Variants in HAGHL observed in about 807,000 individuals in gnomAD.
HAGHL encodes the protein hydroxyacylglutathione hydrolase like.
In HAGHL, 27 loss-of-function variants were observed where a neutral mutation model predicts 29.2. The observed-to-expected ratio is 0.92, with a 90% CI of 0.68 to 1.27. The LOEUF (loss-of-function observed/expected upper bound fraction) is 1.27, where lower values mean the gene tolerates loss of function less well. Ranked by LOEUF, HAGHL falls within the 50% of genes most tolerant of loss-of-function variation. HAGHL has a pLI of 0.00. For synonymous variants in HAGHL, 223 were observed against 185.7 expected (o/e 1.20, Z -1.63); for missense variants, 529 against 405.5 (o/e 1.30, Z -2.62).
Position 729,344 on chromosome 16 carries a change from C to T in HAGHL, c.737C>T (p.Ala246Val). 1.3e-6 allele frequency: 2 copies of T among 1,534,192 alleles called. No individual in the cohort carries two copies. The highest frequency in any genetic ancestry group is 1.8e-6 in the Non-Finnish European group (2 of 1,141,278). Residue 246 changes from alanine to valine, a missense_variant, in exon 8 of 8, where the codon GCG becomes GTG. By Grantham distance (64) the Ala-to-Val change is moderately conservative. Transcript: ENST00000389703. ...GKAVPADVLE[A>V]LCKERARFEQ... ...GCGGTCCCCGCCGACGTCCTGGAGGCGCTATGCAAGGAGCGGGCGCGCTTC... is the reference window on the plus strand; with the variant it reads ...GCGGTCCCCGCCGACGTCCTGGAGGTGCTATGCAAGGAGCGGGCGCGCTTC...
In HAGHL at chr16:728,809, C is replaced by T. The variant is rs777661176; in HGVS notation, c.514C>T (p.His172Tyr). The T allele has an allele frequency of 1.9e-6, 3 of 1,612,132 alleles. No homozygotes were observed. In the East Asian group the frequency reaches 6.7e-5, roughly 36 times the overall value. ...LPPETKVFCG[H>Y]EHTLSNLEFA... ...CTTCCTCCAGAAGGTGTTCTGCGGCCACGAGCACACGCTTAGCAACCTGGA... is the reference window on the plus strand; with the variant it reads ...CTTCCTCCAGAAGGTGTTCTGCGGCTACGAGCACACGCTTAGCAACCTGGA... Residue 172 changes from histidine to tyrosine, a missense_variant, in exon 6 of 8, where the codon CAC (histidine) becomes TAC (tyrosine). His to Tyr is a moderately conservative substitution (Grantham distance 83). Coordinates refer to ENST00000389703, the MANE Select transcript of HAGHL (RefSeq NM_032304.4).
In HAGHL at chr16:728,213, G is replaced by A. The variant is rs769743258; in HGVS notation, c.268G>A (p.Ala90Thr). The stretch of plus-strand genomic sequence containing the variant: ...CATCTTCTCGCTGACGCGCAGGCTG[G>A]CGCACGGCGAGGAGCTGCGGGTGAG... The part of the protein sequence containing the change: ...ERIFSLTRRL[A>T]HGEELRFGAI... The change falls in exon 3 of 8, where the codon GCG becomes ACG. Residue 90 changes from alanine to threonine, a missense_variant. Coordinates refer to ENST00000389703, the MANE Select transcript of HAGHL (RefSeq NM_032304.4). 1 of 1,456,882 alleles carries A rather than the reference G, an allele frequency of 6.9e-7. No individual in the cohort carries two copies. Among genetic ancestry groups the A allele is most frequent in the Non-Finnish European group, 9.0e-7 (1 of 1,115,272 alleles). The allele number at this position is 1,456,882 out of a possible 1,614,324, so 90.2% of individuals were successfully genotyped here.
Position 727,222 on chromosome 16 carries a change from T to G in HAGHL, c.-288T>G. 3.3e-6 allele frequency: 1 copy of G among 307,458 alleles called. No homozygotes were observed. The highest frequency in any genetic ancestry group is 6.6e-5 in the East Asian group (1 of 15,212). The allele number at this position is 307,458 out of a possible 1,614,324, so 19.0% of individuals were successfully genotyped here. A position where few individuals can be genotyped will look rare whatever the true frequency, so the allele number is the denominator to read the frequency against. On this transcript the variant is annotated 5_prime_UTR_variant, in exon 1 of 8. Transcript: ENST00000389703. The stretch of plus-strand genomic sequence containing the variant: ...GGGCGGGGGGCCGAGGGGCGGGGCC[T>G]GGGAGGAAGGCGTGGCCTTTGGGGA...
Position 729,097 on chromosome 16 carries a change from G to A in HAGHL, c.680+9G>A. 6.2e-7 allele frequency: 1 copy of A among 1,607,546 alleles called. No individual in the cohort carries two copies. Among genetic ancestry groups the A allele is most frequent in the Non-Finnish European group, 8.5e-7 (1 of 1,179,712 alleles). ...CCCTTCCTGCGGGTGGCGTGAGTAT[G>A]GCTGTTGTCCCGGGGCCTCCACCGT... is the stretch of plus-strand genomic sequence containing the variant. On this transcript the variant is annotated intron_variant, in intron 7 of 7. Transcript: ENST00000389703.
chr16:728,325 A>G lies in HAGHL; in HGVS notation c.298A>G (p.Ile100Val), dbSNP rs947423137. The change falls in exon 4 of 8, where the codon ATC becomes GTC. Residue 100 changes from isoleucine (I) to valine (V), a missense_variant. Transcript: ENST00000389703. Reference protein sequence around the residue: ...AHGEELRFGAIHVRCLLTPGH... With the variant: ...AHGEELRFGAVHVRCLLTPGH... ...TGCTCCTCCGCCGCAGTTCGGGGCC[A>G]TCCACGTGCGTTGCCTCCTGACGCC... 1.3e-6 allele frequency: 2 copies of G among 1,557,480 alleles called. No homozygotes were observed. The highest frequency in any genetic ancestry group is 1.4e-5 in the African/African-American group (1 of 73,260).
chr16:728,166 C>T lies in HAGHL; in HGVS notation c.221C>T (p.Ala74Val), dbSNP rs553659664. The change falls in exon 3 of 8, where the codon GCG (alanine) becomes GTG (valine). Residue 74 changes from alanine to valine, a missense_variant. Transcript: ENST00000389703. Reference protein sequence around the residue: ...PELARLRPGLAVLGADERIFS... With the variant: ...PELARLRPGLVVLGADERIFS... ...CTGGCGCGGCTTCGTCCCGGGCTGG[C>T]GGTGCTGGGCGCGGACGAGCGCATC... The T allele has an allele frequency of 6.9e-5, 101 of 1,463,110 alleles. No homozygotes were observed. In the African/African-American group the frequency reaches 1.4e-3, roughly 20 times the overall value. The allele number at this position is 1,463,110 out of a possible 1,614,324, so 90.6% of individuals were successfully genotyped here. A position where few individuals can be genotyped will look rare whatever the true frequency, so the allele number is the denominator to read the frequency against.
rs773681350 is a variant in HAGHL, at chr16:728,834, A to C, written c.539A>C (p.Glu180Ala). 2.4e-5 allele frequency: 39 copies of C among 1,599,912 alleles called. No individual in the cohort carries two copies. The East Asian group carries it at 8.8e-4, about 36-fold the overall frequency. Residue 180 changes from glutamate to alanine, a missense_variant, in exon 6 of 8, where the codon GAG (glutamate) becomes GCG (alanine). By Grantham distance (107) the Glu-to-Ala change is moderately radical. Coordinates refer to ENST00000389703, the MANE Select transcript of HAGHL (RefSeq NM_032304.4). Reference protein sequence around the residue: ...CGHEHTLSNLEFAQKVEPCND... With the variant: ...CGHEHTLSNLAFAQKVEPCND... ...CACGAGCACACGCTTAGCAACCTGG[A>C]GTTTGCCCAGAAAGTGGAGCCCTGC...
intron 5 of HAGHL, 88 bp downstream of exon 5, chr16:728,692 G>T: frequency 7.7e-7 from 1 of 1,306,490 alleles, no homozygotes; most frequent in Non-Finnish European, 1.1e-6. Flanking sequence ...CAGAGTGAAT[G>T]CCCACCTGAG....
chr16:727,784 C>A, intron 1 of HAGHL, 170 bp downstream of exon 1: 1 of 744,610 alleles, frequency 1.3e-6, no homozygotes, highest in South Asian at 1.8e-5. Flanking sequence ...TGGCCTCCGC[C>A]CTTTCGCTGC....
In HAGHL at chr16:728,795, AG is replaced by A. The variant is rs1279478685; in HGVS notation, c.502del (p.Val168CysfsTer25). 1 of 1,611,010 alleles carries A rather than the reference AG, an allele frequency of 6.2e-7. No homozygotes were observed. Among genetic ancestry groups the A allele is most frequent in the Non-Finnish European group, 8.5e-7 (1 of 1,178,870 alleles). ...AELGTLPPETKVFCGHEHTLS... is the reference protein window; with the variant it reads ...AELGTLPPETXVFCGHEHTLS... ...GCTCACCGAGCGCTCTTCCTCCAGA[AG>A]GTGTTCTGCGGCCACGAGCACACGC... On this transcript the variant is annotated frameshift_variant and splice_region_variant, in exon 6 of 8. Coordinates refer to ENST00000389703, the MANE Select transcript of HAGHL (RefSeq NM_032304.4). LOFTEE classifies it high-confidence loss of function.
rs1387123698 is a variant in HAGHL at position 727,251 on chromosome 16, G to A, written c.-259G>A. ...AGGAAGGCGTGGCCTTTGGGGACTGGGGCTCGGACTGGGGGCGGAGCCGGG... is the reference window on the plus strand; with the variant it reads ...AGGAAGGCGTGGCCTTTGGGGACTGAGGCTCGGACTGGGGGCGGAGCCGGG... On this transcript the variant is annotated 5_prime_UTR_variant, in exon 1 of 8. Coordinates refer to ENST00000389703, the MANE Select transcript of HAGHL (RefSeq NM_032304.4). 2.4e-6 allele frequency: 1 copy of A among 408,590 alleles called. No homozygotes were observed. Among genetic ancestry groups the A allele is most frequent in the Non-Finnish European group, 4.4e-6 (1 of 227,304 alleles). 25.3% of individuals were successfully genotyped at this position (408,590 alleles called of 1,614,324 possible).
rs1468674368 is a variant in HAGHL, at chr16:729,236, A to C, written c.681-52A>C. The C allele has an allele frequency of 1.9e-6, 3 of 1,539,186 alleles. No homozygotes were observed. In the East Asian group the frequency reaches 6.8e-5, roughly 35 times the overall value. ...GCCTGCCCGCCCACCCCTCGGCGCC[A>C]TGCTCCCGCGTGGGCAGCGGGCCCT... On this transcript the variant is annotated intron_variant, in intron 7 of 7. Transcript: ENST00000389703.
rs568629635 is a variant in HAGHL, at chr16:728,236, G to A, written c.288+3G>A. Reference sequence around the variant, plus strand: ...TGGCGCACGGCGAGGAGCTGCGGGTGAGCGCGCGCTCCCGGGAGGGGCGGG... The same window carrying A: ...TGGCGCACGGCGAGGAGCTGCGGGTAAGCGCGCGCTCCCGGGAGGGGCGGG... On this transcript the variant is annotated splice_donor_region_variant and intron_variant, in intron 3 of 7. Transcript: ENST00000389703. 4.0e-6 allele frequency: 6 copies of A among 1,482,430 alleles called. No individual in the cohort carries two copies. The African/African-American group carries it at 4.4e-5, about 11-fold the overall frequency. The allele number at this position is 1,482,430 out of a possible 1,614,324, so 91.8% of individuals were successfully genotyped here. A position where few individuals can be genotyped will look rare whatever the true frequency, so the allele number is the denominator to read the frequency against.
In HAGHL at chr16:727,985, G is replaced by T. The variant is rs1410163393; in HGVS notation, c.126G>T (p.Arg42=). 1 of 1,607,768 alleles carries T rather than the reference G, an allele frequency of 6.2e-7. No individual in the cohort carries two copies. Among genetic ancestry groups the T allele is most frequent in the Non-Finnish European group, 8.5e-7 (1 of 1,178,240 alleles). ...TTCAGCTGCTGGAGATCGTGGGCCGGGAGGGGGTGTCTCTGACCGCTGTGC... is the reference window on the plus strand; with the variant it reads ...TTCAGCTGCTGGAGATCGTGGGCCGTGAGGGGGTGTCTCTGACCGCTGTGC... ...VPKRLLEIVG[R]EGVSLTAVLT... The change falls in exon 2 of 8, where the codon CGG becomes CGT. Residue 42 remains arginine, a synonymous_variant. Coordinates refer to ENST00000389703, the MANE Select transcript of HAGHL (RefSeq NM_032304.4).
At position 728,250 on chromosome 16, in the gene HAGHL, G is replaced by C; in HGVS notation, c.288+17G>C. 6.7e-7 allele frequency: 1 copy of C among 1,498,520 alleles called. No individual in the cohort carries two copies. Among genetic ancestry groups the C allele is most frequent in the Non-Finnish European group, 8.8e-7 (1 of 1,130,218 alleles). The allele number at this position is 1,498,520 out of a possible 1,614,324, so 92.8% of individuals were successfully genotyped here. ...GAGCTGCGGGTGAGCGCGCGCTCCCGGGAGGGGCGGGGAGGGCGCCCCGGG... is the reference window on the plus strand; with the variant it reads ...GAGCTGCGGGTGAGCGCGCGCTCCCCGGAGGGGCGGGGAGGGCGCCCCGGG... On this transcript the variant is annotated intron_variant, in intron 3 of 7. Transcript: ENST00000389703.
rs926391663 is a variant in HAGHL at position 727,223 on chromosome 16, G to C, written c.-287G>C. The C allele has an allele frequency of 9.2e-6, 3 of 327,600 alleles. No individual in the cohort carries two copies. The highest frequency in any genetic ancestry group is 1.7e-5 in the Non-Finnish European group (3 of 178,738). The allele number at this position is 327,600 out of a possible 1,614,324, so 20.3% of individuals were successfully genotyped here. A position where few individuals can be genotyped will look rare whatever the true frequency, so the allele number is the denominator to read the frequency against. On this transcript the variant is annotated 5_prime_UTR_variant, in exon 1 of 8. Transcript: ENST00000389703. The stretch of plus-strand genomic sequence containing the variant: ...GGCGGGGGGCCGAGGGGCGGGGCCT[G>C]GGAGGAAGGCGTGGCCTTTGGGGAC...
rs747263826 is a variant in HAGHL, at chr16:728,998, GGTC to G, written c.601-10_601-8del. On this transcript the variant is annotated splice_region_variant and splice_polypyrimidine_tract_variant and intron_variant, in intron 6 of 7. Transcript: ENST00000389703. ...AGGCCTAATGGTGACCGGGGCCTGT[GGTC>G]ACTCCAGAAGAGGGATGAGGATGAC... 1.9e-6 allele frequency: 3 copies of G among 1,605,520 alleles called. No individual in the cohort carries two copies. The highest frequency in any genetic ancestry group is 4.5e-5 in the East Asian group (2 of 44,476).
rs974330469 is a variant in HAGHL, at chr16:727,557, G to A, written c.48G>A (p.Leu16=). Residue 16 remains leucine (L), a synonymous_variant, in exon 1 of 8, where the codon CTG becomes CTA. Transcript: ENST00000389703. The part of the protein sequence containing the change: ...IPVLEDNYMY[L]VIEELTREAV... Reference sequence around the variant, plus strand: ...TGCTCGAGGACAACTACATGTACCTGGTCATCGAGGAGCTCACGCGCGAGG... The same window carrying A: ...TGCTCGAGGACAACTACATGTACCTAGTCATCGAGGAGCTCACGCGCGAGG... The A allele has an allele frequency of 6.2e-7, 1 of 1,611,902 alleles. No homozygotes were observed. The highest frequency in any genetic ancestry group is 1.3e-5 in the African/African-American group (1 of 74,900).
chr16:729,477 G>A lies in HAGHL; in HGVS notation c.*21G>A. On this transcript the variant is annotated 3_prime_UTR_variant, in exon 8 of 8. Transcript: ENST00000389703. ...ACTGAGCCACCCAGACCCTCACAGG[G>A]CTGGGGCCTGCGTCCCTCCTCGTGA... The A allele has an allele frequency of 3.9e-6, 6 of 1,538,746 alleles. No individual in the cohort carries two copies. Among genetic ancestry groups the A allele is most frequent in the Non-Finnish European group, 5.2e-6 (6 of 1,146,202 alleles).
Sources: allele counts gnomAD v4.1 joint callset, GRCh38; gene constraint gnomAD v4.1.1; transcripts MANE v1.5; gene names NCBI Gene and HGNC (gene_info 2026-07-23, HGNC 2026-07-21).